GIPC2: variants seen among roughly 807,000 people sequenced by gnomAD.
GIPC2 encodes the protein PDZ domain-containing protein GIPC2.
GIPC2 carries 30 observed loss-of-function variants against 30.6 expected under a neutral mutation model. The observed-to-expected ratio is 0.98, with a 90% CI of 0.73 to 1.33. The LOEUF is 1.33. GIPC2 is among the 40% of genes most tolerant of loss of function. GIPC2 has a pLI of 0.00. For missense variants in GIPC2, 414 were observed against 390.3 expected, an observed-to-expected ratio of 1.06 and a Z score of -0.51; for synonymous variants, 167 against 150.0, an observed-to-expected ratio of 1.11 and a Z score of -0.83.
intron 1 of GIPC2, among the ~76,000 whole-genome samples, chr1:78,051,725 C>T (rs983553574): frequency 3.3e-5 from 5 of 152,160 alleles, no homozygotes; most frequent in Admixed American, 6.5e-5. Context: ...GAACTCCTGA[C>T]CTCAGGTGAT....
rs968895537 is a variant in GIPC2, at chr1:78,136,476, C to T, written c.*733C>T. On this transcript the variant is annotated 3_prime_UTR_variant, in exon 6 of 6. Coordinates refer to ENST00000370759, the MANE Select transcript of GIPC2 (RefSeq NM_017655.6). ...CTTGCATTTGATTTTTTTTTCAGTC[C>T]TTAAAACATTATTTCTTTTTTTCAC... is the stretch of plus-strand genomic sequence containing the variant. The T allele has an allele frequency of 4.5e-4, 68 of 151,696 alleles. No homozygotes were observed. Among genetic ancestry groups the T allele is most frequent in the African/African-American group, 1.5e-3 (64 of 41,352 alleles). The allele number at this position is 151,696 out of a possible 1,614,324, so 9.4% of individuals were successfully genotyped here.
In GIPC2 at chr1:78,075,337, T is replaced by C. The variant is rs114742776; in HGVS notation, c.241-5338T>C. Among the ~76,000 whole-genome samples the C allele has an allele frequency of 5.9e-3, 895 of 152,204 alleles. 9 individuals carry two copies. Among genetic ancestry groups the C allele is most frequent in the African/African-American group, 0.021 (864 of 41,512 alleles). On this transcript the variant is annotated intron_variant, in intron 1 of 5. Transcript: ENST00000370759. ...TGTGTTTGGTAGTATGTGCCTGTGG[T>C]CCCAGCTACTAGGGAGGCTGAGGCA...
At chr1:78,092,695 T>C (rs899900279) in intron 2 of GIPC2, 7 of 152,288 alleles carry the variant, frequency 4.6e-5, no homozygotes, top group African/African-American at 1.7e-4. Flanking sequence ...CCAACTTTGC[T>C]TCTTTATCTG....
chr1:78,119,681 G>A (rs1329989706), intron 4 of GIPC2, among the ~76,000 whole-genome samples, 182 bp downstream of exon 4: 1 of 152,120 alleles, frequency 6.6e-6, no homozygotes, highest in African/African-American at 2.4e-5. Flanking sequence ...GTGATCTATA[G>A]AAATTCTCAG....
chr1:78,094,908 A>T, intron 2 of GIPC2, 44 bp from the exon 3 acceptor site: 2 of 1,358,392 alleles, frequency 1.5e-6, no homozygotes, highest in Non-Finnish European at 2.1e-6. Flanking sequence ...TGCATTCATT[A>T]CACAGTTCTA....
intron 4 of GIPC2, among the ~76,000 whole-genome samples, chr1:78,122,010 G>A (rs1662692389): frequency 6.6e-6 from 1 of 152,192 alleles, no homozygotes; most frequent in Non-Finnish European, 1.5e-5. Context: ...CGTCCCTTCA[G>A]GAGGAGGAGC....
chr1:78,070,734 T>C (rs1445494814), intron 1 of GIPC2, among the ~76,000 whole-genome samples: 1 of 152,212 alleles, frequency 6.6e-6, no homozygotes, highest in African/African-American at 2.4e-5. Context: ...CTTTTGGTTA[T>C]GCTGGGAAGT....
intron 1 of GIPC2, among the ~76,000 whole-genome samples, chr1:78,064,689 C>G (rs1396292632): frequency 1.3e-5 from 2 of 149,240 alleles, no homozygotes; most frequent in East Asian, 2.0e-4. Flanking sequence ...GAGAGAGGGT[C>G]TTGTTCTGTC....
At chr1:78,054,685 C>T (rs1200793148) in intron 1 of GIPC2, among the ~76,000 whole-genome samples, 3 of 152,192 alleles carry the variant, frequency 2.0e-5, no homozygotes, top group African/African-American at 4.8e-5. Flanking sequence ...GCACCAGCCT[C>T]ATTTTTATAT....
chr1:78,131,534 A>C (rs1395362740), intron 5 of GIPC2, among the ~76,000 whole-genome samples: 1 of 152,184 alleles, frequency 6.6e-6, no homozygotes, highest in Non-Finnish European at 1.5e-5. Context: ...TTATTGCAGT[A>C]TATTGTAATT....
intron 1 of GIPC2, among the ~76,000 whole-genome samples, chr1:78,062,505 C>CT (rs373436177): frequency 0.019 from 2,695 of 138,566 alleles, 54 homozygotes; most frequent in South Asian, 0.1. Context: ...TTTTCTTTTT[C>CT]TTTTTTTTTT....
In GIPC2 at chr1:78,105,347, T is replaced by C. The variant is rs189542062; in HGVS notation, c.607+10215T>C. 3.8e-3 allele frequency among the ~76,000 whole-genome samples: 580 copies of C among 150,954 alleles called. 8 individuals are homozygous for C. The highest frequency in any genetic ancestry group is 0.013 in the African/African-American group (528 of 41,080). ...GTGTCACCAGGCTGGAGTGCAGTGG[T>C]GCGATCTCAGCTCACTGCAACCTCC... On this transcript the variant is annotated intron_variant, in intron 3 of 5. Coordinates refer to ENST00000370759, the MANE Select transcript of GIPC2 (RefSeq NM_017655.6).
At position 78,135,958 on chromosome 1, in the gene GIPC2, A is replaced by G. The variant is rs927286710; in HGVS notation, c.*215A>G. On this transcript the variant is annotated 3_prime_UTR_variant, in exon 6 of 6. Coordinates refer to ENST00000370759, the MANE Select transcript of GIPC2 (RefSeq NM_017655.6). The stretch of plus-strand genomic sequence containing the variant: ...ATGCTTAAGAGAAATGACCTAAATA[A>G]GGATCAATTGTAATATTCATTCAAA... 5 of 413,650 alleles carry G rather than the reference A, an allele frequency of 1.2e-5. No homozygotes were observed. Among genetic ancestry groups the G allele is most frequent in the African/African-American group, 1.0e-4 (5 of 48,074 alleles). The allele number at this position is 413,650 out of a possible 1,614,324, so 25.6% of individuals were successfully genotyped here. A position where few individuals can be genotyped will look rare whatever the true frequency, so the allele number is the denominator to read the frequency against.
chr1:78,087,424 G>C (rs1661951184), intron 2 of GIPC2, among the ~76,000 whole-genome samples: 1 of 152,092 alleles, frequency 6.6e-6, no homozygotes, highest in South Asian at 2.1e-4. Context: ...ACAGAATAGA[G>C]AGCCCAGAAA....
intron 4 of GIPC2, among the ~76,000 whole-genome samples, chr1:78,123,819 A>G (rs1662730083): frequency 6.6e-6 from 1 of 152,222 alleles, no homozygotes; most frequent in African/African-American, 2.4e-5. Context: ...GGATAGATAT[A>G]AAGGTTAATA....
chr1:78,061,784 T>A lies in GIPC2; in HGVS notation c.240+15450T>A, dbSNP rs575431320. 1.6e-4 allele frequency among the ~76,000 whole-genome samples: 25 copies of A among 152,236 alleles called. No homozygotes were observed. The South Asian group carries it at 4.6e-3, about 28-fold the overall frequency. ...GGCGCACACCACCATGCCCGGCTAA[T>A]TTTTGTATTTTTAGTAGAGATAGGG... On this transcript the variant is annotated intron_variant, in intron 1 of 5. Coordinates refer to ENST00000370759, the MANE Select transcript of GIPC2 (RefSeq NM_017655.6).
chr1:78,123,345 C>G (rs1033552891), intron 4 of GIPC2, among the ~76,000 whole-genome samples: 7 of 149,740 alleles, frequency 4.7e-5, no homozygotes, highest in Non-Finnish European at 5.9e-5. Flanking sequence ...GAAGAGTGTT[C>G]TAGGCATGGA....
chr1:78,045,348 G>C (rs1661048366), upstream of GIPC2, among the ~76,000 whole-genome samples: 1 of 152,188 alleles, frequency 6.6e-6, no homozygotes, highest in Admixed American at 6.5e-5. Context: ...AGGGAATTGA[G>C]GGAACTCACA....
intron 4 of GIPC2, among the ~76,000 whole-genome samples, chr1:78,123,469 A>G (rs1662722574): frequency 6.6e-6 from 1 of 152,126 alleles, no homozygotes. Context: ...GGGTTAGGAT[A>G]TGAAGGGCCT....
Sources: allele counts gnomAD v4.1 joint callset (sites outside exome capture counted in the v4.1 genomes callset), GRCh38; gene constraint gnomAD v4.1.1; transcripts MANE v1.5; gene names NCBI Gene and HGNC (gene_info 2026-07-23, HGNC 2026-07-21).